DAG1: variants seen among roughly 807,000 people sequenced by gnomAD.
DAG1 encodes the protein dystroglycan 1, also known as dystroglycan 1 (dystrophin-associated glycoprotein 1).
In DAG1, 8 loss-of-function variants were observed where a neutral mutation model predicts 46.1. That is an observed-to-expected ratio of 0.17 (90% CI 0.10 to 0.31). The LOEUF (loss-of-function observed/expected upper bound fraction) is 0.31. Among genes scored for constraint, DAG1 ranks in the 10% least tolerant of loss-of-function variants. The probability of loss-of-function intolerance (pLI) is 1.00; values close to 1 mark genes in which losing one functional copy is unlikely to be tolerated. For missense variants in DAG1, 1,003 were observed against 1,189.9 expected, an observed-to-expected ratio of 0.84 and a Z score of 2.31; for synonymous variants, 495 against 481.8, an observed-to-expected ratio of 1.03 and a Z score of -0.36.
At chr3:49,481,907 C>A (rs1205878047) in intron 1 of DAG1, among the ~76,000 whole-genome samples, 1 of 152,168 alleles carries the variant, frequency 6.6e-6, no homozygotes, top group East Asian at 1.9e-4. Flanking sequence ...GTGGATTCCT[C>A]CAACTATGGA....
chr3:49,481,415 A>T (rs1306357104), intron 1 of DAG1, among the ~76,000 whole-genome samples: 1 of 151,490 alleles, frequency 6.6e-6, no homozygotes, highest in African/African-American at 2.4e-5. Context: ...AAAAAAAAAA[A>T]AGTGAATTGT....
At chr3:49,500,257 C>T (rs559774427) in intron 1 of DAG1, among the ~76,000 whole-genome samples, 3 of 152,222 alleles carry the variant, frequency 2.0e-5, no homozygotes, top group South Asian at 4.1e-4. Context: ...GTGATCTGCC[C>T]GCCTCAGCCT....
At chr3:49,502,619 G>T (rs2050483918) in intron 1 of DAG1, among the ~76,000 whole-genome samples, 1 of 149,866 alleles carries the variant, frequency 6.7e-6, no homozygotes, top group Admixed American at 6.8e-5. Flanking sequence ...GTGCTAAATT[G>T]TAAGACATCT....
chr3:49,487,267 T>C (rs1216268430), intron 1 of DAG1: 1 of 152,276 alleles, frequency 6.6e-6, no homozygotes, highest in Non-Finnish European at 1.5e-5. Context: ...CACGACTGTC[T>C]ATCCCAGATG....
chr3:49,490,597 TC>T (rs1240022683), intron 1 of DAG1, among the ~76,000 whole-genome samples: 1 of 150,990 alleles, frequency 6.6e-6, no homozygotes, highest in Non-Finnish European at 1.5e-5. Flanking sequence ...TGGGACAGGG[TC>T]TTGCTCTGTC....
chr3:49,494,657 CAG>C (rs547033295), intron 1 of DAG1, among the ~76,000 whole-genome samples: 1 of 149,722 alleles, frequency 6.7e-6, no homozygotes. Context: ...TTTTTGGAGA[CAG>C]AGTCTTGCAC....
In DAG1 at chr3:49,484,841, G is replaced by T. The variant is rs536429433; in HGVS notation, c.-117+14408G>T. On this transcript the variant is annotated intron_variant, in intron 1 of 2. Coordinates refer to ENST00000308775, the MANE Select transcript of DAG1 (RefSeq NM_004393.6). ...GACGGAGTCTTGCTCTTGTCACCCA[G>T]CCTGGAGTGCAATGGCACGATCTCT... Among the ~76,000 whole-genome samples, 10 of 150,994 alleles carry T rather than the reference G, an allele frequency of 6.6e-5. No individual in the cohort carries two copies. The East Asian group carries it at 1.8e-3, about 27-fold the overall frequency.
chr3:49,533,548 G>A lies in DAG1; in HGVS notation c.*349G>A, dbSNP rs1194629192. 2.5e-5 allele frequency: 12 copies of A among 488,260 alleles called. No individual in the cohort carries two copies. Among genetic ancestry groups the A allele is most frequent in the Non-Finnish European group, 4.6e-5 (12 of 259,972 alleles). The allele number at this position is 488,260 out of a possible 1,614,324, so 30.2% of individuals were successfully genotyped here. On this transcript the variant is annotated 3_prime_UTR_variant, in exon 3 of 3. Coordinates refer to ENST00000308775, the MANE Select transcript of DAG1 (RefSeq NM_004393.6). ...AATGAACTCGCAGGCAGTGCCGGGC[G>A]GCCCCCTGGCTCTCTGCGTTTTGCC...
intron 1 of DAG1, among the ~76,000 whole-genome samples, chr3:49,497,436 C>CAAA (rs11391817): frequency 4.7e-5 from 6 of 128,580 alleles, no homozygotes; most frequent in Non-Finnish European, 3.3e-5. Flanking sequence ...GACTCCGTCT[C>CAAA]AAAAAAAAAA....
At chr3:49,477,313 C>G (rs902254449) in intron 1 of DAG1, among the ~76,000 whole-genome samples, 1 of 151,882 alleles carries the variant, frequency 6.6e-6, no homozygotes, top group African/African-American at 2.4e-5. Context: ...GTTTTTGAGA[C>G]AGGATCTCTG....
chr3:49,483,225 G>T (rs1441721738), intron 1 of DAG1, among the ~76,000 whole-genome samples: 5 of 143,564 alleles, frequency 3.5e-5, no homozygotes, highest in African/African-American at 1.3e-4. Flanking sequence ...TTTCTTTTGA[G>T]ACAGTTTTAG....
chr3:49,499,666 G>A (rs2050395683), intron 1 of DAG1, among the ~76,000 whole-genome samples: 1 of 152,134 alleles, frequency 6.6e-6, no homozygotes, highest in Non-Finnish European at 1.5e-5. Context: ...GGTCATAAGG[G>A]CCTGGCTCCT....
At chr3:49,498,630 C>G (rs2107488873) in intron 1 of DAG1, among the ~76,000 whole-genome samples, 1 of 151,930 alleles carries the variant, frequency 6.6e-6, no homozygotes, top group South Asian at 2.1e-4. Flanking sequence ...TTTTCCAAAA[C>G]CATTTAAAAT....
rs200927931 is a variant in DAG1, at chr3:49,532,881, C to G, written c.2370C>G (p.Thr790=). 1.3e-5 allele frequency: 21 copies of G among 1,614,132 alleles called. No homozygotes were observed. In the East Asian group the frequency reaches 4.5e-4, roughly 34 times the overall value. The change falls in exon 3 of 3, where the codon ACC becomes ACG. Residue 790 remains threonine (T), a synonymous_variant. Transcript: ENST00000308775. This position sits in a 1 kb window ranked among gnomAD's most constrained non-coding sequence, Gnocchi z 5.4. ...AGCTTACCCTTGAGGACCAGGCCAC[C>G]TTCATCAAGAAGGGGGTGCCTATCA... The part of the protein sequence containing the change: ...KGKLTLEDQA[T]FIKKGVPIIF...
intron 1 of DAG1, among the ~76,000 whole-genome samples, chr3:49,481,608 G>A (rs1379436576): frequency 6.6e-6 from 1 of 152,038 alleles, no homozygotes; most frequent in Non-Finnish European, 1.5e-5. Context: ...GACATGAGGA[G>A]CCACAGATTC....
chr3:49,484,713 G>A (rs1488784550), intron 1 of DAG1, among the ~76,000 whole-genome samples: 1 of 152,076 alleles, frequency 6.6e-6, no homozygotes, highest in Non-Finnish European at 1.5e-5. Context: ...CTCTGCCTCA[G>A]TGTCAGGCTT....
chr3:49,508,194 CTTT>C (rs11344604), intron 1 of DAG1, among the ~76,000 whole-genome samples: 13 of 73,556 alleles, frequency 1.8e-4, no homozygotes, highest in Non-Finnish European at 2.9e-4. Context: ...GTTTATTTTG[CTTT>C]TTTTTTTTTT....
intron 1 of DAG1, among the ~76,000 whole-genome samples, chr3:49,508,180 T>C (rs1382801270): frequency 7.5e-6 from 1 of 133,210 alleles, no homozygotes; most frequent in Admixed American, 9.1e-5. Context: ...TCTGCTTGCT[T>C]TTGGTTTATT....
rs2050729998 is a variant in DAG1, at chr3:49,510,401, C to T, written c.-116-18C>T. 4 of 903,546 alleles carry T rather than the reference C, an allele frequency of 4.4e-6. No individual in the cohort carries two copies. The Admixed American group carries it at 7.2e-5, about 16-fold the overall frequency. 56.0% of individuals were successfully genotyped at this position (903,546 alleles called of 1,614,324 possible). Reference sequence around the variant, plus strand: ...CTGGAATTGCTCAAGTCTAAACCTGCTTTTCTTTTTTTTTCAGGCTCTGTG... The same window carrying T: ...CTGGAATTGCTCAAGTCTAAACCTGTTTTTCTTTTTTTTTCAGGCTCTGTG... On this transcript the variant is annotated intron_variant, in intron 1 of 2. Coordinates refer to ENST00000308775, the MANE Select transcript of DAG1 (RefSeq NM_004393.6).
Sources: allele counts gnomAD v4.1 joint callset (sites outside exome capture counted in the v4.1 genomes callset), GRCh38; gene constraint gnomAD v4.1.1; non-coding constraint Gnocchi (gnomAD v3.1); transcripts MANE v1.5; gene names NCBI Gene and HGNC (gene_info 2026-07-23, HGNC 2026-07-21).